Variants in GPC6 observed in about 807,000 individuals in gnomAD.
GPC6 encodes the protein glypican-6.
Under a neutral mutation model 55.2 loss-of-function variants are expected in GPC6, and 14 were observed. That is an observed-to-expected ratio of 0.25 (90% CI 0.17 to 0.40). GPC6 has a LOEUF of 0.40. GPC6 is among the 10% of genes least tolerant of loss of function. GPC6 has a pLI of 1.00. For missense variants in GPC6, 641 were observed against 708.5 expected, an observed-to-expected ratio of 0.90 and a Z score of 1.08; for synonymous variants, 278 against 259.6, an observed-to-expected ratio of 1.07 and a Z score of -0.68.
At chr13:93,910,537 AC>A (rs1236891766) in intron 3 of GPC6, among the ~76,000 whole-genome samples, 1 of 151,898 alleles carries the variant, frequency 6.6e-6, no homozygotes, top group Non-Finnish European at 1.5e-5. Flanking sequence ...TGGAGTATTT[AC>A]CTCACCTCTA....
chr13:93,742,515 G>A (rs1157934826), intron 2 of GPC6, among the ~76,000 whole-genome samples: 3 of 152,158 alleles, frequency 2.0e-5, no homozygotes, highest in Non-Finnish European at 2.9e-5. Flanking sequence ...ATAGCCTTGT[G>A]AACAAGATGG....
chr13:93,633,194 C>T (rs571830392), intron 2 of GPC6, among the ~76,000 whole-genome samples: 46 of 152,210 alleles, frequency 3.0e-4, no homozygotes, highest in African/African-American at 1.1e-3. Flanking sequence ...AATGTGACTT[C>T]AAGGTAACTG....
chr13:93,741,105 C>G (rs1884183088), intron 2 of GPC6, among the ~76,000 whole-genome samples: 1 of 150,138 alleles, frequency 6.7e-6, no homozygotes, highest in South Asian at 2.1e-4. Flanking sequence ...TATACCGATA[C>G]CCATCCAGAA....
intron 2 of GPC6, among the ~76,000 whole-genome samples, chr13:93,641,695 G>C (rs1879950293): frequency 6.6e-6 from 1 of 151,998 alleles, no homozygotes; most frequent in Admixed American, 6.6e-5. Flanking sequence ...GCTCTTGGTT[G>C]ATCAACCAGT....
At position 94,250,405 on chromosome 13, in the gene GPC6, T is replaced by G. The variant is rs184843486; in HGVS notation, c.878-35944T>G. 7.7e-4 allele frequency among the ~76,000 whole-genome samples: 118 copies of G among 152,282 alleles called. 1 individual carries two copies. The highest frequency in any genetic ancestry group is 2.5e-3 in the African/African-American group (103 of 41,584). The stretch of plus-strand genomic sequence containing the variant: ...ATTTATTTCACACCATGTGGAAATA[T>G]TTTATCAATGGTCAATTACAGCCAA... On this transcript the variant is annotated intron_variant, in intron 4 of 8. Transcript: ENST00000377047.
intron 4 of GPC6, among the ~76,000 whole-genome samples, chr13:94,284,297 G>A (rs974629648): frequency 1.4e-4 from 22 of 152,062 alleles, no homozygotes; most frequent in African/African-American, 5.3e-4. Flanking sequence ...TTTGAACTTG[G>A]CCTCTACAGG....
At chr13:94,297,389 A>G (rs1875400058) in intron 5 of GPC6, among the ~76,000 whole-genome samples, 2 of 152,120 alleles carry the variant, frequency 1.3e-5, no homozygotes, top group African/African-American at 4.8e-5. Context: ...TTTAAACCTT[A>G]CAAGCAAAGG....
intron 2 of GPC6, among the ~76,000 whole-genome samples, chr13:93,583,348 G>C (rs1357781657): frequency 6.6e-6 from 1 of 151,048 alleles, no homozygotes; most frequent in African/African-American, 2.5e-5. Flanking sequence ...TTGTGTGTGT[G>C]TGTGTGCGCG....
chr13:93,455,287 G>T (rs912488484), intron 1 of GPC6, among the ~76,000 whole-genome samples: 1 of 152,196 alleles, frequency 6.6e-6, no homozygotes, highest in African/African-American at 2.4e-5. Context: ...GTGGGAGCCC[G>T]GGCAGAGGAG....
chr13:93,250,270 A>C (rs1325073564), intron 1 of GPC6, among the ~76,000 whole-genome samples: 2 of 152,204 alleles, frequency 1.3e-5, no homozygotes, highest in East Asian at 3.9e-4. Flanking sequence ...GGAGGAAATA[A>C]ATCTCTTAGA....
At chr13:93,276,984 A>C (rs1012375349) in intron 1 of GPC6, among the ~76,000 whole-genome samples, 3 of 152,212 alleles carry the variant, frequency 2.0e-5, no homozygotes, top group African/African-American at 7.2e-5. Context: ...TAGAGATTAT[A>C]ATCAATGCTT....
chr13:94,147,149 T>A (rs906330748), intron 4 of GPC6, among the ~76,000 whole-genome samples: 1 of 152,144 alleles, frequency 6.6e-6, no homozygotes, highest in Non-Finnish European at 1.5e-5. Context: ...ATTGAAGTGA[T>A]TATAAAGATC....
At chr13:93,951,400 C>G (rs187202308) in intron 3 of GPC6, among the ~76,000 whole-genome samples, 81 of 152,268 alleles carry the variant, frequency 5.3e-4, no homozygotes, top group African/African-American at 1.9e-3. Flanking sequence ...CTTCCTCATC[C>G]TATGCCAGTC....
chr13:94,176,627 G>A (rs866307029), intron 4 of GPC6, among the ~76,000 whole-genome samples: 22 of 152,292 alleles, frequency 1.4e-4, no homozygotes, highest in African/African-American at 4.3e-4. Context: ...AGCCAAGAAT[G>A]TTGTTCAGAA....
At chr13:93,308,667 C>T (rs185691420) in intron 1 of GPC6, among the ~76,000 whole-genome samples, 12 of 152,336 alleles carry the variant, frequency 7.9e-5, no homozygotes, top group Non-Finnish European at 1.5e-4. Context: ...GTCTCGAACT[C>T]CTGACTTCAA....
intron 4 of GPC6, among the ~76,000 whole-genome samples, chr13:94,109,637 C>A (rs542520970): frequency 1.3e-5 from 2 of 152,178 alleles, no homozygotes; most frequent in East Asian, 3.9e-4. Context: ...TATTCAGTTA[C>A]AGGAGTCTTT....
At chr13:93,607,620 G>T (rs1878292876) in intron 2 of GPC6, among the ~76,000 whole-genome samples, 1 of 152,178 alleles carries the variant, frequency 6.6e-6, no homozygotes, top group African/African-American at 2.4e-5. Flanking sequence ...GAATGATGGT[G>T]GAGGTAAAAA....
intron 1 of GPC6, among the ~76,000 whole-genome samples, chr13:93,516,936 G>A (rs1202900182): frequency 6.6e-6 from 1 of 152,082 alleles, no homozygotes; most frequent in East Asian, 1.9e-4. Flanking sequence ...GTATGTGGTG[G>A]GGCCAAAGCT....
At chr13:93,559,983 C>A (rs1270643684) in intron 2 of GPC6, among the ~76,000 whole-genome samples, 1 of 152,166 alleles carries the variant, frequency 6.6e-6, no homozygotes, top group Non-Finnish European at 1.5e-5. Flanking sequence ...GCATCACCTG[C>A]ACACCTAAAT....
Sources: gnomAD v4.1 joint callset for allele counts (sites outside exome capture counted in the v4.1 genomes callset) on GRCh38, gnomAD v4.1.1 for gene constraint, MANE v1.5 for transcripts, NCBI Gene and HGNC (gene_info 2026-07-23, HGNC 2026-07-21) for gene names.